The following CCDC192 variants were observed in gnomAD, a reference collection of about 807,000 sequenced individuals.
CCDC192 encodes coiled-coil domain-containing protein 192.
At chr5:127,832,928 C>G (rs1749868179) in intron 5 of CCDC192, among the ~76,000 whole-genome samples, 1 of 152,080 alleles carries the variant, frequency 6.6e-6, no homozygotes, top group Non-Finnish European at 1.5e-5. Context: ...AATAGCTAAC[C>G]TTTTCAAGCA....
intron 6 of CCDC192, among the ~76,000 whole-genome samples, chr5:127,924,661 T>C (rs1753817517): frequency 6.6e-6 from 1 of 152,160 alleles, no homozygotes; most frequent in East Asian, 1.9e-4. Flanking sequence ...TACCTGACAG[T>C]AGAGGCAGGA....
At chr5:127,840,309 G>T (rs1437840996) in intron 5 of CCDC192, among the ~76,000 whole-genome samples, 1 of 152,286 alleles carries the variant, frequency 6.6e-6, no homozygotes, top group African/African-American at 2.4e-5. Flanking sequence ...AAAGTTTGAG[G>T]TTGGCTTAAG....
At chr5:127,750,417 A>T (rs1054557963) in intron 2 of CCDC192, among the ~76,000 whole-genome samples, 1 of 152,002 alleles carries the variant, frequency 6.6e-6, no homozygotes, top group Non-Finnish European at 1.5e-5. Flanking sequence ...CATGTAGTTG[A>T]GGGGTTTTGA....
At chr5:127,819,316 A>T (rs748334037) in intron 5 of CCDC192, among the ~76,000 whole-genome samples, 3 of 152,136 alleles carry the variant, frequency 2.0e-5, no homozygotes, top group South Asian at 4.1e-4. Context: ...TAGGCACCAC[A>T]TAATTATGTC....
At chr5:127,821,559 C>T (rs989475802) in intron 5 of CCDC192, among the ~76,000 whole-genome samples, 1 of 152,144 alleles carries the variant, frequency 6.6e-6, no homozygotes, top group Non-Finnish European at 1.5e-5. Context: ...CTTTTGTGAA[C>T]TTTATGCGCT....
At chr5:127,934,255 G>A (rs1326036482) in intron 6 of CCDC192, among the ~76,000 whole-genome samples, 2 of 152,240 alleles carry the variant, frequency 1.3e-5, no homozygotes, top group South Asian at 2.1e-4. Flanking sequence ...CCTGTTGCTA[G>A]GTGAAAACAT....
intron 6 of CCDC192, among the ~76,000 whole-genome samples, chr5:127,911,338 G>T (rs1753340287): frequency 6.6e-6 from 1 of 152,314 alleles, no homozygotes; most frequent in African/African-American, 2.4e-5. Context: ...TTAATGCGGG[G>T]TGTTATGATG....
intron 6 of CCDC192, among the ~76,000 whole-genome samples, chr5:127,894,241 G>A (rs1399012616): frequency 9.2e-5 from 13 of 141,452 alleles, no homozygotes; most frequent in African/African-American, 3.5e-4. Context: ...CACCCAGGCT[G>A]GAGTGCAGTG....
chr5:127,921,942 A>G (rs577940685), intron 6 of CCDC192, among the ~76,000 whole-genome samples: 120 of 152,354 alleles, frequency 7.9e-4, no homozygotes, highest in South Asian at 3.5e-3. Context: ...GTCGTGCACT[A>G]AAAAGTACAT....
chr5:127,915,216 A>G (rs1475186813), intron 6 of CCDC192, among the ~76,000 whole-genome samples: 1 of 151,342 alleles, frequency 6.6e-6, no homozygotes, highest in Non-Finnish European at 1.5e-5. Context: ...CATGTTTAAA[A>G]AACAATGCAC....
At position 127,889,809 on chromosome 5, in the gene CCDC192, T is replaced by A. The variant is rs976149199; in HGVS notation, c.535+14148T>A. 7.9e-5 allele frequency among the ~76,000 whole-genome samples: 12 copies of A among 152,222 alleles called. No individual in the cohort carries two copies. The South Asian group carries it at 2.5e-3, about 32-fold the overall frequency. On this transcript the variant is annotated intron_variant, in intron 6 of 6. Coordinates refer to ENST00000514853, the MANE Select transcript of CCDC192 (RefSeq NM_001317938.2). The stretch of plus-strand genomic sequence containing the variant: ...TATCCCTTCAGCCACTTTGAACCTG[T>A]CCATTCTGCACACCTCTTTCTGAAC...
chr5:127,850,944 C>T (rs374424544), intron 5 of CCDC192, among the ~76,000 whole-genome samples: 22 of 152,150 alleles, frequency 1.4e-4, no homozygotes, highest in African/African-American at 3.6e-4. Flanking sequence ...CCAGCCTGGG[C>T]GACAGAGAGA....
At chr5:127,745,909 C>A (rs557209571) in intron 2 of CCDC192, among the ~76,000 whole-genome samples, 1 of 152,204 alleles carries the variant, frequency 6.6e-6, no homozygotes, top group African/African-American at 2.4e-5. Flanking sequence ...AAAACTGGGA[C>A]AACAACTGAA....
At chr5:127,878,245 A>G (rs1216519625) in intron 6 of CCDC192, among the ~76,000 whole-genome samples, 1 of 152,248 alleles carries the variant, frequency 6.6e-6, no homozygotes, top group East Asian at 1.9e-4. Flanking sequence ...AAAGTGCAAG[A>G]AAGAACTCAG....
At chr5:127,759,045 T>C (rs745728286) in intron 3 of CCDC192, among the ~76,000 whole-genome samples, 8 of 152,230 alleles carry the variant, frequency 5.3e-5, no homozygotes, top group African/African-American at 9.6e-5. Flanking sequence ...TGGCTTCTGG[T>C]TCCCAGCTCC....
chr5:127,824,243 G>C (rs1011738319), intron 5 of CCDC192, among the ~76,000 whole-genome samples: 1 of 152,128 alleles, frequency 6.6e-6, no homozygotes, highest in African/African-American at 2.4e-5. Flanking sequence ...TTTCTTAGCT[G>C]TTAGAAAGGA....
chr5:127,885,788 A>G (rs574264570), intron 6 of CCDC192, among the ~76,000 whole-genome samples: 9 of 152,258 alleles, frequency 5.9e-5, no homozygotes, highest in African/African-American at 2.2e-4. Flanking sequence ...TGTATCTAAT[A>G]TGTATATTAG....
intron 6 of CCDC192, among the ~76,000 whole-genome samples, chr5:127,893,905 A>G (rs936263975): frequency 2.0e-5 from 3 of 152,166 alleles, no homozygotes; most frequent in Admixed American, 1.3e-4. Flanking sequence ...ATAAAAGTTG[A>G]AATTAAAGAA....
intron 3 of CCDC192, among the ~76,000 whole-genome samples, chr5:127,772,771 C>T (rs1355181745): frequency 6.6e-6 from 1 of 152,164 alleles, no homozygotes; most frequent in African/African-American, 2.4e-5. Flanking sequence ...TGTCTCAGGG[C>T]TGGACAAGGC....
Sources: gnomAD v4.1 joint callset for allele counts (sites outside exome capture counted in the v4.1 genomes callset) on GRCh38, gnomAD v4.1.1 for gene constraint, MANE v1.5 for transcripts, NCBI Gene and HGNC (gene_info 2026-07-23, HGNC 2026-07-21) for gene names.